Variants in TPCN2 observed in about 807,000 individuals in gnomAD.
TPCN2 encodes the protein two pore channel protein 2.
A neutral mutation model predicts 111.4 loss-of-function variants in TPCN2; 92 were observed. The observed-to-expected ratio is 0.83, with a 90% confidence interval of 0.70 to 0.98. The LOEUF (loss-of-function observed/expected upper bound fraction) is 0.98, where lower values mean the gene tolerates loss of function less well. Among genes scored for constraint, TPCN2 ranks in the 50% least tolerant of loss-of-function variants. The pLI is 0.00. For missense variants in TPCN2, 995 were observed against 980.1 expected (o/e 1.02, Z -0.20); for synonymous variants, 405 against 414.5 (o/e 0.98, Z 0.28).
intron 8 of TPCN2, 21 bp downstream of exon 8, chr11:69,067,626 G>A: frequency 2.5e-6 from 4 of 1,611,408 alleles, no homozygotes; most frequent in Non-Finnish European, 8.5e-7. Flanking sequence ...GGCCAGGGAG[G>A]GACCGTGGGG....
chr11:69,052,987 A>G (rs1861299017), intron 1 of TPCN2, among the ~76,000 whole-genome samples: 1 of 152,208 alleles, frequency 6.6e-6, no homozygotes, highest in African/African-American at 2.4e-5. Context: ...GCTGGGGAGC[A>G]GCTCTGCAGC....
At chr11:69,071,268 G>C (rs1205573879) in intron 9 of TPCN2, 88 bp from the exon 10 acceptor site, 1 of 1,024,544 alleles carries the variant, frequency 9.8e-7, no homozygotes, top group African/African-American at 1.6e-5. Flanking sequence ...GACGCCCCCG[G>C]CGCTGTGCTA....
chr11:69,062,117 C>T (rs1350263403), intron 5 of TPCN2, among the ~76,000 whole-genome samples: 4 of 152,034 alleles, frequency 2.6e-5, no homozygotes, highest in South Asian at 2.1e-4. Context: ...CAGAAGGAGA[C>T]GGGGAGCAGG....
intron 18 of TPCN2, chr11:69,083,244 T>C (rs1471499525): frequency 2.0e-5 from 3 of 152,982 alleles, no homozygotes; most frequent in Admixed American, 6.5e-5. Flanking sequence ...TTGCTTGAAG[T>C]CGCAGTTTCC....
At chr11:69,061,436 AG>A (rs1855017812) in intron 5 of TPCN2, among the ~76,000 whole-genome samples, 1 of 152,206 alleles carries the variant, frequency 6.6e-6, no homozygotes, top group Non-Finnish European at 1.5e-5. Context: ...GATACTGATG[AG>A]GATGCGAGAC....
At chr11:69,063,317 C>T (rs1375288656) in intron 6 of TPCN2, among the ~76,000 whole-genome samples, 1 of 152,070 alleles carries the variant, frequency 6.6e-6, no homozygotes, top group African/African-American at 2.4e-5. Context: ...TGCCTCTCCC[C>T]TCTGCCGTCC....
intron 8 of TPCN2, among the ~76,000 whole-genome samples, chr11:69,067,989 C>G (rs1855348495): frequency 6.6e-6 from 1 of 152,128 alleles, no homozygotes; most frequent in South Asian, 2.1e-4. Flanking sequence ...TGGTGCCGTC[C>G]TGCTGGAGCT....
chr11:69,073,361 C>T (rs1241867443), intron 13 of TPCN2, among the ~76,000 whole-genome samples: 1 of 152,248 alleles, frequency 6.6e-6, no homozygotes, highest in Non-Finnish European at 1.5e-5. Flanking sequence ...TTACAAAGTT[C>T]CCAGGTGGGC....
intron 16 of TPCN2, 32 bp from the exon 17 acceptor site, chr11:69,079,802 T>C: frequency 1.2e-6 from 2 of 1,608,928 alleles, no homozygotes; most frequent in Non-Finnish European, 1.7e-6. Context: ...AGTGTTGCTG[T>C]AGCGAAGCCT....
chr11:69,072,567 C>G, intron 11 of TPCN2, 60 bp from the exon 12 acceptor site: 1 of 1,572,342 alleles, frequency 6.4e-7, no homozygotes, highest in South Asian at 1.1e-5. Context: ...AGGACCCAGG[C>G]CAGGGTTCCA....
At chr11:69,071,528 G>A (rs1855535207) in intron 10 of TPCN2, 108 bp downstream of exon 10, 2 of 975,942 alleles carry the variant, frequency 2.0e-6, no homozygotes, top group Admixed American at 2.0e-5. Context: ...GCCCCTGGTG[G>A]GACGGGAGGG....
chr11:69,067,517 G>A lies in TPCN2; in HGVS notation c.741G>A (p.Gln247=). 1 of 1,613,698 alleles carries A rather than the reference G, an allele frequency of 6.2e-7. No homozygotes were observed. Among genetic ancestry groups the A allele is most frequent in the South Asian group, 1.1e-5 (1 of 91,088 alleles). Reference sequence around the variant, plus strand: ...TCTGCTCTTAGCAGGATGATGGGCAGGACAGGGAGAGGCTGACCTACTTCC... The same window carrying A: ...TCTGCTCTTAGCAGGATGATGGGCAAGACAGGGAGAGGCTGACCTACTTCC... ...LFAGGKQDDG[Q]DRERLTYFQN... Residue 247 remains glutamine, a synonymous_variant, in exon 8 of 25, where the codon CAG becomes CAA. Transcript: ENST00000294309.
chr11:69,083,739 G>A (rs1306693962), intron 18 of TPCN2, among the ~76,000 whole-genome samples: 1 of 152,174 alleles, frequency 6.6e-6, no homozygotes, highest in East Asian at 1.9e-4. Flanking sequence ...GCGAGGGTGT[G>A]TATGGGTGGA....
intron 1 of TPCN2, among the ~76,000 whole-genome samples, chr11:69,049,363 A>G (rs930247699): frequency 1.2e-4 from 18 of 152,192 alleles, no homozygotes; most frequent in African/African-American, 3.6e-4. Context: ...CAGCTGGGCG[A>G]AGAGGCCCTC....
intron 24 of TPCN2, among the ~76,000 whole-genome samples, 161 bp downstream of exon 24, chr11:69,087,367 C>CCGGGAT (rs1429877718): frequency 6.6e-6 from 1 of 152,200 alleles, no homozygotes; most frequent in Non-Finnish European, 1.5e-5. Context: ...CAGCTCAGAG[C>CCGGGAT]CGGGATCGGG....
chr11:69,052,997 C>T (rs1037077553), intron 1 of TPCN2, among the ~76,000 whole-genome samples: 1 of 152,250 alleles, frequency 6.6e-6, no homozygotes, highest in African/African-American at 2.4e-5. Flanking sequence ...AGCTCTGCAG[C>T]GAGGCCAGAG....
chr11:69,049,342 C>T (rs916661756), intron 1 of TPCN2, among the ~76,000 whole-genome samples: 5 of 152,208 alleles, frequency 3.3e-5, no homozygotes, highest in African/African-American at 1.2e-4. Flanking sequence ...GTGTCGCGTC[C>T]TGATCCCGAC....
At chr11:69,052,143 T>C (rs1159051761) in intron 1 of TPCN2, among the ~76,000 whole-genome samples, 1 of 152,136 alleles carries the variant, frequency 6.6e-6, no homozygotes, top group African/African-American at 2.4e-5. Flanking sequence ...CTGGGATGGC[T>C]GGCCTGGGTG....
intron 8 of TPCN2, among the ~76,000 whole-genome samples, chr11:69,067,900 G>A (rs1855343344): frequency 6.6e-6 from 1 of 150,720 alleles, no homozygotes; most frequent in South Asian, 2.1e-4. Flanking sequence ...CTTCCTCCTT[G>A]TCTACTCACT....
Sources: gnomAD v4.1 joint callset for allele counts (sites outside exome capture counted in the v4.1 genomes callset) on GRCh38, gnomAD v4.1.1 for gene constraint, MANE v1.5 for transcripts, NCBI Gene and HGNC (gene_info 2026-07-23, HGNC 2026-07-21) for gene names.